ASTL: variants seen among roughly 807,000 people sequenced by gnomAD.
ASTL encodes the protein astacin like metalloendopeptidase.
A neutral mutation model predicts 36.7 loss-of-function variants in ASTL; 27 were observed. The observed-to-expected ratio is 0.73, with a 90% CI of 0.54 to 1.01. ASTL has a LOEUF of 1.01. Ranked by LOEUF, ASTL falls within the 50% of genes least tolerant of loss-of-function variation. ASTL has a pLI of 0.00. For synonymous variants in ASTL, 222 were observed against 228.1 expected (o/e 0.97, Z 0.24); for missense variants, 524 against 572.8 (o/e 0.91, Z 0.87).
intron 8 of ASTL, among the ~76,000 whole-genome samples, chr2:96,126,628 C>T (rs530058557): frequency 1.1e-4 from 16 of 152,214 alleles, no homozygotes; most frequent in South Asian, 6.2e-4. Context: ...GAGGCCGAGA[C>T]GGGTAGATCA....
chr2:96,137,647 T>C lies in ASTL; in HGVS notation c.109A>G (p.Ser37Gly). The C allele has an allele frequency of 6.2e-7, 1 of 1,613,934 alleles. No homozygotes were observed. Among genetic ancestry groups the C allele is most frequent in the East Asian group, 2.2e-5 (1 of 44,886 alleles). ...TCAGGGGTGAGGCCATCTGGGAAGC[T>C]GGTACCACAGGCTCCTGCGCAGCTG... ...ASSCAGACGT[S>G]FPDGLTPEGT... The change falls in exon 2 of 9, where the codon AGC becomes GGC. Residue 37 changes from serine (S) to glycine (G), a missense_variant. Physicochemically the swap from Ser to Gly is moderately conservative, Grantham distance 56. Transcript: ENST00000342380.
chr2:96,127,644 G>C (rs1223412782), intron 8 of ASTL, among the ~76,000 whole-genome samples: 2 of 151,926 alleles, frequency 1.3e-5, no homozygotes, highest in African/African-American at 4.9e-5. Context: ...CACGATCTTG[G>C]CTCACTGCAA....
Position 96,133,506 on chromosome 2 carries a change from G to C in ASTL, c.374C>G (p.Ala125Gly), listed in dbSNP as rs1389446804. The change falls in exon 5 of 9, where the codon GCG becomes GGG. Residue 125 changes from alanine to glycine, a missense_variant. Ala to Gly is a moderately conservative substitution (Grantham distance 60). Transcript: ENST00000342380. ...GATGCACGTGGAACGTTCAAACTCC[G>C]CAAGAGCCTCCAGGATGACCTGGCG... is the stretch of plus-strand genomic sequence containing the variant. Reference protein sequence around the residue: ...PSRQVILEALAEFERSTCIRF... With the variant: ...PSRQVILEALGEFERSTCIRF... 4 of 1,614,140 alleles carry C rather than the reference G, an allele frequency of 2.5e-6. No individual in the cohort carries two copies. Among genetic ancestry groups the C allele is most frequent in the Non-Finnish European group, 3.4e-6 (4 of 1,179,998 alleles).
chr2:96,137,591 A>G lies in ASTL; in HGVS notation c.165T>C (p.Ile55=). 1 of 1,613,854 alleles carries G rather than the reference A, an allele frequency of 6.2e-7. No individual in the cohort carries two copies. Among genetic ancestry groups the G allele is most frequent in the East Asian group, 2.2e-5 (1 of 44,872 alleles). The part of the protein sequence containing the change: ...EGTQASGDKD[I]PAINQGLILE... ...TGCCCTCACCTTGGTTAATTGCAGG[A>G]ATGTCCTTGTCCCCGGAGGCCTGGG... The change falls in exon 2 of 9, where the codon ATT becomes ATC. Residue 55 remains isoleucine, a synonymous_variant. Coordinates refer to ENST00000342380, the MANE Select transcript of ASTL (RefSeq NM_001002036.4).
rs1374228646 is a variant in ASTL, at chr2:96,124,253, G to C, written c.893C>G (p.Thr298Ser). The C allele has an allele frequency of 6.6e-7, 1 of 1,512,650 alleles. No homozygotes were observed. Among genetic ancestry groups the C allele is most frequent in the African/African-American group, 1.4e-5 (1 of 71,546 alleles). The allele number at this position is 1,512,650 out of a possible 1,614,324, so 93.7% of individuals were successfully genotyped here. A position where few individuals can be genotyped will look rare whatever the true frequency, so the allele number is the denominator to read the frequency against. The change falls in exon 9 of 9, where the codon ACT (threonine) becomes AGT (serine). Residue 298 changes from threonine (T) to serine (S), a missense_variant. By Grantham distance (58) the Thr-to-Ser change is moderately conservative. Transcript: ENST00000342380. This position sits in a 1 kb window ranked among gnomAD's most constrained non-coding sequence, Gnocchi z 4.1. Reference sequence around the variant, plus strand: ...GGAGGCCGGAGCGGGGCTCCTACCAGTGCTGTGGGCATGGGACCCTGCAAC... The same window carrying C: ...GGAGGCCGGAGCGGGGCTCCTACCACTGCTGTGGGCATGGGACCCTGCAAC... ...PRGRGSHAHS[T>S]GRSPAPASLS...
Position 96,124,357 on chromosome 2 carries a change from C to T in ASTL, c.875-86G>A, listed in dbSNP as rs1208203836. 5 of 1,292,204 alleles carry T rather than the reference C, an allele frequency of 3.9e-6. No homozygotes were observed. Among genetic ancestry groups the T allele is most frequent in the Non-Finnish European group, 5.1e-6 (5 of 979,890 alleles). The allele number at this position is 1,292,204 out of a possible 1,614,324, so 80.0% of individuals were successfully genotyped here. A position where few individuals can be genotyped will look rare whatever the true frequency, so the allele number is the denominator to read the frequency against. ...GTGCGGACCCAGAGCTGGCTCAGCTCACAGGAGTGGTGCCCACCCATGCCA... is the reference window on the plus strand; with the variant it reads ...GTGCGGACCCAGAGCTGGCTCAGCTTACAGGAGTGGTGCCCACCCATGCCA... On this transcript the variant is annotated intron_variant, in intron 8 of 8. Coordinates refer to ENST00000342380, the MANE Select transcript of ASTL (RefSeq NM_001002036.4). The surrounding 1 kb of genome is among the most constrained non-coding windows in gnomAD (Gnocchi z 4.1).
chr2:96,124,242 G>T lies in ASTL; in HGVS notation c.904C>A (p.Pro302Thr). The change falls in exon 9 of 9, where the codon CCC becomes ACC. Residue 302 changes from proline (P) to threonine (T), a missense_variant. Coordinates refer to ENST00000342380, the MANE Select transcript of ASTL (RefSeq NM_001002036.4). This position sits in a 1 kb window ranked among gnomAD's most constrained non-coding sequence, Gnocchi z 4.1. Reference sequence around the variant, plus strand: ...TGCAGAGATAGGGAGGCCGGAGCGGGGCTCCTACCAGTGCTGTGGGCATGG... The same window carrying T: ...TGCAGAGATAGGGAGGCCGGAGCGGTGCTCCTACCAGTGCTGTGGGCATGG... Reference protein sequence around the residue: ...GSHAHSTGRSPAPASLSLQRL... With the variant: ...GSHAHSTGRSTAPASLSLQRL... 1 of 1,515,476 alleles carries T rather than the reference G, an allele frequency of 6.6e-7. No homozygotes were observed. The highest frequency in any genetic ancestry group is 8.8e-7 in the Non-Finnish European group (1 of 1,133,674). 93.9% of individuals were successfully genotyped at this position (1,515,476 alleles called of 1,614,324 possible). A position where few individuals can be genotyped will look rare whatever the true frequency, so the allele number is the denominator to read the frequency against.
chr2:96,127,765 G>T (rs1682093462), intron 8 of ASTL, among the ~76,000 whole-genome samples: 1 of 151,926 alleles, frequency 6.6e-6, no homozygotes, highest in Non-Finnish European at 1.5e-5. Context: ...TAAGAGACGG[G>T]GTCTTACTAT....
In ASTL at chr2:96,124,441, C is replaced by T. The variant is rs148800922; in HGVS notation, c.875-170G>A. 8.5e-5 allele frequency among the ~76,000 whole-genome samples: 13 copies of T among 152,274 alleles called. 1 individual carries two copies. Among genetic ancestry groups the T allele is most frequent in the African/African-American group, 3.1e-4 (13 of 41,552 alleles). ...CTACCAGAGACCAGGACAATGAAGCCATCCCATCTCTTCCCTGCCTGGCCC... is the reference window on the plus strand; with the variant it reads ...CTACCAGAGACCAGGACAATGAAGCTATCCCATCTCTTCCCTGCCTGGCCC... On this transcript the variant is annotated intron_variant, in intron 8 of 8. Coordinates refer to ENST00000342380, the MANE Select transcript of ASTL (RefSeq NM_001002036.4). This position sits in a 1 kb window ranked among gnomAD's most constrained non-coding sequence, Gnocchi z 4.1.
chr2:96,123,865 C>A lies in ASTL; in HGVS notation c.1281G>T (p.Gly427=). 1 of 1,606,496 alleles carries A rather than the reference C, an allele frequency of 6.2e-7. No homozygotes were observed. The highest frequency in any genetic ancestry group is 8.5e-7 in the Non-Finnish European group (1 of 1,179,610). The change falls in exon 9 of 9, where the codon GGG becomes GGT. Residue 427 remains glycine (G), a synonymous_variant. Transcript: ENST00000342380. ...GGCVPRNHFK[G]MSED ...AGCCACAGGCTTAATCTTCGGACAT[C>A]CCCTTGAAATGATTTCTAGGTACAC...
intron 1 of ASTL, 112 bp from the exon 2 acceptor site, chr2:96,137,812 G>A (rs2104780106): frequency 9.0e-7 from 1 of 1,106,508 alleles, no homozygotes; most frequent in Non-Finnish European, 1.3e-6. Context: ...TCAGTCCCTA[G>A]GAAGAGTAGG....
chr2:96,123,702 G>A lies in ASTL; in HGVS notation c.*148C>T. 1 of 645,776 alleles carries A rather than the reference G, an allele frequency of 1.5e-6. No individual in the cohort carries two copies. The highest frequency in any genetic ancestry group is 2.7e-6 in the Non-Finnish European group (1 of 375,790). 40.0% of individuals were successfully genotyped at this position (645,776 alleles called of 1,614,324 possible). On this transcript the variant is annotated 3_prime_UTR_variant, in exon 9 of 9. Transcript: ENST00000342380. ...AGCCCTTAGGGGAACACAGTGAAGA[G>A]AGACAGGGGAAGAGTCCTGGCCCTC... is the stretch of plus-strand genomic sequence containing the variant.
At chr2:96,134,867 C>T (rs879476732) in intron 3 of ASTL, among the ~76,000 whole-genome samples, 3 of 152,212 alleles carry the variant, frequency 2.0e-5, no homozygotes, top group Admixed American at 6.5e-5. Context: ...GTTAGCAAGG[C>T]GCCCCAATCC....
rs375060410 is a variant in ASTL at position 96,132,763 on chromosome 2, A to T, written c.456-42T>A. 3.8e-6 allele frequency: 6 copies of T among 1,566,558 alleles called. No individual in the cohort carries two copies. The African/African-American group carries it at 6.8e-5, about 18-fold the overall frequency. On this transcript the variant is annotated intron_variant, in intron 5 of 8. Coordinates refer to ENST00000342380, the MANE Select transcript of ASTL (RefSeq NM_001002036.4). The surrounding 1 kb of genome is among the most constrained non-coding windows in gnomAD (Gnocchi z 5.4). ...GCAAGTGGGGTAAGTGCCAGCCCAG[A>T]TCCCTCCGGACATACAGACCTGGGC...
rs139062944 is a variant in ASTL at position 96,133,436 on chromosome 2, G to A, written c.444C>T (p.Ile148=). ...YQDQRDFISI[I]PMYGCFSSVG... ...GCCCCGGCACTTACCCATACATGGG[G>A]ATGATGGAAATGAAGTCTCTCTGGT... The change falls in exon 5 of 9, where the codon ATC becomes ATT. Residue 148 remains isoleucine (I), a synonymous_variant. Coordinates refer to ENST00000342380, the MANE Select transcript of ASTL (RefSeq NM_001002036.4). 2 of 1,606,832 alleles carry A rather than the reference G, an allele frequency of 1.2e-6. No individual in the cohort carries two copies. Among genetic ancestry groups the A allele is most frequent in the South Asian group, 1.1e-5 (1 of 90,962 alleles).
In ASTL at chr2:96,123,893, C is replaced by T. The variant is rs1387129848; in HGVS notation, c.1253G>A (p.Gly418Asp). 12 of 1,613,730 alleles carry T rather than the reference C, an allele frequency of 7.4e-6. No individual in the cohort carries two copies. The highest frequency in any genetic ancestry group is 9.3e-6 in the Non-Finnish European group (11 of 1,179,872). Residue 418 changes from glycine to aspartate, a missense_variant, in exon 9 of 9, where the codon GGC becomes GAC. Physicochemically the swap from Gly to Asp is moderately conservative, Grantham distance 94. Transcript: ENST00000342380. The part of the protein sequence containing the change: ...PVQGSPALPG[G>D]CVPRNHFKGM... ...CTTGAAATGATTTCTAGGTACACAG[C>T]CCCCTGGCAGAGCTGGGCTTCCCTG...
intron 8 of ASTL, among the ~76,000 whole-genome samples, chr2:96,126,195 G>T (rs1682060191): frequency 6.6e-6 from 1 of 152,124 alleles, no homozygotes; most frequent in African/African-American, 2.4e-5. Context: ...AGATGTTAGT[G>T]TTCAAAGGAC....
intron 1 of ASTL, 59 bp downstream of exon 1, chr2:96,138,323 C>T (rs1385182567): frequency 6.7e-7 from 1 of 1,493,138 alleles, no homozygotes; most frequent in African/African-American, 1.4e-5. Flanking sequence ...ACCTTCTAGC[C>T]TCTCCCCAGC....
At chr2:96,134,225 G>A (rs552534177) in intron 3 of ASTL, among the ~76,000 whole-genome samples, 167 bp from the exon 4 acceptor site, 21 of 152,344 alleles carry the variant, frequency 1.4e-4, no homozygotes, top group Non-Finnish European at 1.6e-4. Flanking sequence ...TGGAAGGCAA[G>A]GGGCCAGCTA....
Sources: gnomAD v4.1 joint callset for allele counts (sites outside exome capture counted in the v4.1 genomes callset) on GRCh38, gnomAD v4.1.1 for gene constraint, Gnocchi (gnomAD v3.1) non-coding constraint, MANE v1.5 for transcripts, NCBI Gene and HGNC (gene_info 2026-07-23, HGNC 2026-07-21) for gene names.